Variants in CCDC178 observed in about 807,000 individuals in gnomAD.
CCDC178 encodes the protein coiled-coil domain-containing protein 178.
A neutral mutation model predicts 117.4 loss-of-function variants in CCDC178; 126 were observed. The observed-to-expected ratio is 1.07, with a 90% CI of 0.93 to 1.24. The LOEUF (loss-of-function observed/expected upper bound fraction) is 1.24. CCDC178 is among the 50% of genes most tolerant of loss of function. The pLI, the probability that CCDC178 is intolerant of heterozygous loss-of-function variation, is 0.00. For synonymous variants in CCDC178, 283 were observed against 313.4 expected (o/e 0.90, Z 1.02); for missense variants, 1,030 against 986.9 (o/e 1.04, Z -0.59).
intron 20 of CCDC178, among the ~76,000 whole-genome samples, chr18:33,166,087 T>C (rs1207501891): frequency 6.6e-6 from 1 of 152,122 alleles, no homozygotes; most frequent in African/African-American, 2.4e-5. Context: ...AGCACAAATG[T>C]CAACAGAGTG....
At chr18:32,944,760 T>C (rs897814051) in intron 22 of CCDC178, among the ~76,000 whole-genome samples, 11 of 152,146 alleles carry the variant, frequency 7.2e-5, no homozygotes, top group African/African-American at 2.2e-4. Context: ...AGGGACCCAG[T>C]GGGAGATAAT....
chr18:33,126,982 T>G (rs2058012702), intron 20 of CCDC178, among the ~76,000 whole-genome samples: 2 of 140,680 alleles, frequency 1.4e-5, no homozygotes, highest in South Asian at 4.4e-4. Context: ...TATCTGCATT[T>G]GGTTAAAAAA....
intron 14 of CCDC178, 57 bp from the exon 15 acceptor site, chr18:33,245,485 T>C (rs769629831): frequency 1.2e-4 from 150 of 1,274,384 alleles, no homozygotes; most frequent in Non-Finnish European, 1.5e-4. Context: ...CAAACATATT[T>C]AATAATAGTA....
At chr18:33,374,454 T>A (rs1309750155) in intron 5 of CCDC178, among the ~76,000 whole-genome samples, 1 of 152,172 alleles carries the variant, frequency 6.6e-6, no homozygotes, top group Non-Finnish European at 1.5e-5. Context: ...ACACACACAC[T>A]ATAATGCCTA....
chr18:33,303,879 C>T lies in CCDC178; in HGVS notation c.1023-10567G>A, dbSNP rs150212193. Among the ~76,000 whole-genome samples, 14 of 152,080 alleles carry T rather than the reference C, an allele frequency of 9.2e-5. No individual in the cohort carries two copies. The East Asian group carries it at 2.5e-3, about 27-fold the overall frequency. On this transcript the variant is annotated intron_variant, in intron 11 of 22. Coordinates refer to ENST00000383096, the MANE Select transcript of CCDC178 (RefSeq NM_001105528.4). ...ACTGCCTGTCTTGAGTGTAAGTCTG[C>T]CCCAGAGTAAATGAGAGAGGGAGGA...
At chr18:33,390,609 A>G (rs1044053027) in intron 4 of CCDC178, among the ~76,000 whole-genome samples, 7 of 152,040 alleles carry the variant, frequency 4.6e-5, no homozygotes, top group African/African-American at 1.4e-4. Context: ...TTTCATTTTT[A>G]CAAGGTCCAA....
Position 33,341,775 on chromosome 18 carries a change from C to T in CCDC178, c.658+4436G>A, listed in dbSNP as rs962961743. Among the ~76,000 whole-genome samples the T allele has an allele frequency of 1.4e-4, 22 of 152,114 alleles. 1 individual carries two copies. Among genetic ancestry groups the T allele is most frequent in the African/African-American group, 5.3e-4 (22 of 41,416 alleles). The stretch of plus-strand genomic sequence containing the variant: ...TCCCTGGCCATGTAGAACTGTGAAG[C>T]CCAATTAAACCTCTTTTTCTTCCCA... On this transcript the variant is annotated intron_variant, in intron 9 of 22. Transcript: ENST00000383096.
rs145015407 is a variant in CCDC178 at position 33,342,836 on chromosome 18, A to G, written c.658+3375T>C. 1.2e-4 allele frequency among the ~76,000 whole-genome samples: 19 copies of G among 152,356 alleles called. No homozygotes were observed. The East Asian group carries it at 2.9e-3, about 23-fold the overall frequency. On this transcript the variant is annotated intron_variant, in intron 9 of 22. Coordinates refer to ENST00000383096, the MANE Select transcript of CCDC178 (RefSeq NM_001105528.4). ...GCACAATTGTAGTAATAACTGAATA[A>G]CTGAATAATTAACAAAGACAAAACA...
chr18:33,203,942 G>T (rs2059020377), intron 20 of CCDC178, among the ~76,000 whole-genome samples: 1 of 152,152 alleles, frequency 6.6e-6, no homozygotes, highest in Non-Finnish European at 1.5e-5. Context: ...TTTCAATGAG[G>T]TCTATGTAAG....
Position 33,069,490 on chromosome 18 carries a change from T to G in CCDC178, c.2388+23271A>C, listed in dbSNP as rs976738710. Among the ~76,000 whole-genome samples the G allele has an allele frequency of 2.0e-5, 3 of 152,218 alleles. No individual in the cohort carries two copies. In the East Asian group the frequency reaches 5.8e-4, roughly 29 times the overall value. Reference sequence around the variant, plus strand: ...ACTTCTATAGGCAGAAGAATTAAACTATATTTCTGGCTCTCACCATAAGCA... The same window carrying G: ...ACTTCTATAGGCAGAAGAATTAAACGATATTTCTGGCTCTCACCATAAGCA... On this transcript the variant is annotated intron_variant, in intron 21 of 22. Coordinates refer to ENST00000383096, the MANE Select transcript of CCDC178 (RefSeq NM_001105528.4).
At chr18:32,946,189 T>A (rs762771441) in intron 22 of CCDC178, among the ~76,000 whole-genome samples, 15 of 152,158 alleles carry the variant, frequency 9.9e-5, no homozygotes, top group Non-Finnish European at 1.8e-4. Context: ...TAATTTTTAC[T>A]CATGAGAATA....
At chr18:33,229,143 G>A (rs1229620026) in intron 15 of CCDC178, among the ~76,000 whole-genome samples, 1 of 152,160 alleles carries the variant, frequency 6.6e-6, no homozygotes, top group Non-Finnish European at 1.5e-5. Flanking sequence ...AATGAAGCAG[G>A]ATTGGACAGA....
intron 20 of CCDC178, among the ~76,000 whole-genome samples, chr18:33,180,451 A>G (rs2058721305): frequency 6.6e-6 from 1 of 151,956 alleles, no homozygotes; most frequent in Admixed American, 6.6e-5. Context: ...TTTTAAAGGT[A>G]TGCTAATTAT....
intron 22 of CCDC178, among the ~76,000 whole-genome samples, chr18:32,971,443 T>C (rs1433645637): frequency 6.6e-6 from 1 of 152,164 alleles, no homozygotes; most frequent in African/African-American, 2.4e-5. Flanking sequence ...TTTGGGCTGG[T>C]TCCAAGTCTT....
chr18:33,398,213 A>G (rs2063665432), intron 3 of CCDC178, among the ~76,000 whole-genome samples: 1 of 152,088 alleles, frequency 6.6e-6, no homozygotes, highest in South Asian at 2.1e-4. Flanking sequence ...CAAGAAATAA[A>G]TGTCTAGATC....
chr18:33,262,785 T>C (rs1040437496), intron 14 of CCDC178, among the ~76,000 whole-genome samples: 1 of 152,184 alleles, frequency 6.6e-6, no homozygotes. Flanking sequence ...TAACATTAGA[T>C]CTACTATTTG....
intron 20 of CCDC178, among the ~76,000 whole-genome samples, chr18:33,119,595 A>C (rs1298432032): frequency 6.6e-6 from 1 of 152,180 alleles, no homozygotes; most frequent in Non-Finnish European, 1.5e-5. Flanking sequence ...TGGGACTGCA[A>C]ACTAGTTCAA....
At chr18:33,163,203 TC>T (rs757123773) in intron 20 of CCDC178, among the ~76,000 whole-genome samples, 3 of 152,200 alleles carry the variant, frequency 2.0e-5, no homozygotes, top group Admixed American at 6.5e-5. Flanking sequence ...AGCGTTTTTT[TC>T]ATATGCTTTT....
At chr18:33,415,390 T>C (rs969080731) in intron 2 of CCDC178, among the ~76,000 whole-genome samples, 2 of 152,172 alleles carry the variant, frequency 1.3e-5, no homozygotes, top group African/African-American at 4.8e-5. Flanking sequence ...GATGAGTTCA[T>C]GTCATTTGTA....
Sources: gnomAD v4.1 joint callset for allele counts (sites outside exome capture counted in the v4.1 genomes callset) on GRCh38, gnomAD v4.1.1 for gene constraint, MANE v1.5 for transcripts, NCBI Gene and HGNC (gene_info 2026-07-23, HGNC 2026-07-21) for gene names.